Variants in HOMER3 observed in about 807,000 individuals in gnomAD.
HOMER3 encodes homer protein homolog 3.
In HOMER3, 34 loss-of-function variants were observed where a neutral mutation model predicts 45.5. The ratio of observed to expected loss-of-function variants is 0.75; its 90% CI spans 0.57 to 1.00. The LOEUF (loss-of-function observed/expected upper bound fraction) is 1.00. HOMER3 is among the 50% of genes least tolerant of loss of function. The pLI is 0.00. For synonymous variants in HOMER3, 223 were observed against 208.8 expected, an observed-to-expected ratio of 1.07 and a Z score of -0.58; for missense variants, 480 against 497.5, an observed-to-expected ratio of 0.96 and a Z score of 0.33.
intron 6 of HOMER3, among the ~76,000 whole-genome samples, 172 bp from the exon 7 acceptor site, chr19:18,932,304 G>C (rs1305669875): frequency 6.8e-6 from 1 of 146,692 alleles, no homozygotes; most frequent in Non-Finnish European, 1.5e-5. Context: ...CGGGGCAGGG[G>C]TGGAGTGGCA....
In HOMER3 at chr19:18,929,715, C is replaced by T; in HGVS notation, c.895-81G>A. On this transcript the variant is annotated intron_variant, in intron 9 of 9. Transcript: ENST00000392351. ...GAGGCATCCAGAGTCTGACCACCTT[C>T]ATGTCCCTCTTCTGCCCAGAGCCAT... 3 of 1,213,510 alleles carry T rather than the reference C, an allele frequency of 2.5e-6. No individual in the cohort carries two copies. In the South Asian group the frequency reaches 4.8e-5, roughly 19 times the overall value. The allele number at this position is 1,213,510 out of a possible 1,614,324, so 75.2% of individuals were successfully genotyped here. A position where few individuals can be genotyped will look rare whatever the true frequency, so the allele number is the denominator to read the frequency against.
At chr19:18,930,375 G>A (rs1161528833) in intron 9 of HOMER3, among the ~76,000 whole-genome samples, 4 of 145,958 alleles carry the variant, frequency 2.7e-5, no homozygotes, top group Non-Finnish European at 6.0e-5. Context: ...GTGAAACCCC[G>A]TCTCTACCAA....
chr19:18,938,540 A>C (rs1295191163), intron 3 of HOMER3, 56 bp from the exon 4 acceptor site: 13 of 1,581,526 alleles, frequency 8.2e-6, no homozygotes, highest in Non-Finnish European at 1.1e-5. Flanking sequence ...CAAACATGAA[A>C]CCCCCCAGGT....
At chr19:18,931,948 G>C in intron 7 of HOMER3, 28 bp downstream of exon 7, 2 of 1,500,110 alleles carry the variant, frequency 1.3e-6, no homozygotes, top group Non-Finnish European at 1.8e-6. Flanking sequence ...GCCAGGTGGG[G>C]GTCTCTCGGA....
intron 6 of HOMER3, among the ~76,000 whole-genome samples, chr19:18,932,703 A>C (rs1172457848): frequency 6.6e-6 from 1 of 151,468 alleles, no homozygotes; most frequent in Admixed American, 6.6e-5. Flanking sequence ...TAGCAGCGAG[A>C]AGAGACAGGG....
chr19:18,938,498 ACAAAGTT>A lies in HOMER3; in HGVS notation c.172-21_172-15del. 6.2e-7 allele frequency: 1 copy of A among 1,610,296 alleles called. No individual in the cohort carries two copies. The highest frequency in any genetic ancestry group is 8.5e-7 in the Non-Finnish European group (1 of 1,176,844). Reference sequence around the variant, plus strand: ...GTTGATGATGGCCTAGGGTCGGGGAACAAAGTTCAAGGTAGATGGGACAGATACTAAC... The same window carrying A: ...GTTGATGATGGCCTAGGGTCGGGGAACAAGGTAGATGGGACAGATACTAAC... On this transcript the variant is annotated splice_polypyrimidine_tract_variant and intron_variant, in intron 3 of 9. Coordinates refer to ENST00000392351, the MANE Select transcript of HOMER3 (RefSeq NM_004838.4).
At chr19:18,940,250 C>T (rs935445857) in intron 1 of HOMER3, 2 of 152,260 alleles carry the variant, frequency 1.3e-5, no homozygotes, top group South Asian at 2.1e-4. Flanking sequence ...ACACAGGGGT[C>T]CCCGGAACCC....
At chr19:18,932,253 T>C in intron 6 of HOMER3, 121 bp from the exon 7 acceptor site, 2 of 745,054 alleles carry the variant, frequency 2.7e-6, no homozygotes, top group Non-Finnish European at 3.4e-6. Flanking sequence ...GGGCGAAGGC[T>C]GGCGAGGGTG....
At chr19:18,940,403 A>G (rs889881976) in intron 1 of HOMER3, 9 of 152,272 alleles carry the variant, frequency 5.9e-5, no homozygotes, top group South Asian at 2.1e-4. Flanking sequence ...GGGATCCCCA[A>G]TCTGGCCGGT....
intron 1 of HOMER3, chr19:18,940,474 G>A (rs899633492): frequency 2.0e-5 from 3 of 152,268 alleles, no homozygotes; most frequent in African/African-American, 7.2e-5. Context: ...ATTAATTCAG[G>A]ATCCCATCCC....
intron 9 of HOMER3, among the ~76,000 whole-genome samples, chr19:18,930,157 G>A (rs2057015210): frequency 1.3e-5 from 2 of 151,502 alleles, no homozygotes; most frequent in Admixed American, 1.3e-4. Flanking sequence ...GGCTGAGGCA[G>A]GAGAATCGCT....
At chr19:18,932,885 A>AACCCCCCCCCCCCC in intron 6 of HOMER3, 39 bp downstream of exon 6, 4 of 687,526 alleles carry the variant, frequency 5.8e-6, no homozygotes, top group African/African-American at 2.0e-5. Context: ...CCCCACCCCT[A>AACCCCCCCCCCCCC]CCCCCGCCCC....
intron 6 of HOMER3, 34 bp downstream of exon 6, chr19:18,932,890 C>T: frequency 9.8e-7 from 1 of 1,025,154 alleles, no homozygotes; most frequent in Non-Finnish European, 1.3e-6. Context: ...CCCCTACCCC[C>T]GCCCCTGCCA....
At chr19:18,932,885 A>ACCCCCCCCCCCCCC in intron 6 of HOMER3, 39 bp downstream of exon 6, 3 of 687,520 alleles carry the variant, frequency 4.4e-6, no homozygotes, top group African/African-American at 2.0e-5. Context: ...CCCCACCCCT[A>ACCCCCCCCCCCCCC]CCCCCGCCCC....
At chr19:18,932,667 C>T (rs1170187533) in intron 6 of HOMER3, among the ~76,000 whole-genome samples, 1 of 151,864 alleles carries the variant, frequency 6.6e-6, no homozygotes, top group Non-Finnish European at 1.5e-5. Flanking sequence ...TATCCTAAGA[C>T]CAGAGAGGCA....
At chr19:18,931,171 C>G in intron 9 of HOMER3, 154 bp downstream of exon 9, 1 of 638,096 alleles carries the variant, frequency 1.6e-6, no homozygotes, top group Non-Finnish European at 2.8e-6. Flanking sequence ...GAAACTGTAC[C>G]AACAGCCACT....
intron 4 of HOMER3, among the ~76,000 whole-genome samples, chr19:18,936,561 G>T (rs1477894489): frequency 2.0e-5 from 3 of 151,682 alleles, no homozygotes; most frequent in Non-Finnish European, 4.4e-5. Context: ...AACTACTTGG[G>T]AAGCTGAGGC....
intron 4 of HOMER3, among the ~76,000 whole-genome samples, chr19:18,937,216 T>C (rs62138079): frequency 0.4 from 58,826 of 147,622 alleles, 13,528 homozygotes; most frequent in Middle Eastern, 0.57. Context: ...GAGGCTGAGG[T>C]GGGAGGATCC....
chr19:18,930,999 C>G (rs2057025557), intron 9 of HOMER3, among the ~76,000 whole-genome samples: 1 of 151,978 alleles, frequency 6.6e-6, no homozygotes, highest in Non-Finnish European at 1.5e-5. Context: ...CAGAGCGAGA[C>G]TCCATCTCAA....
Sources: allele counts gnomAD v4.1 joint callset (sites outside exome capture counted in the v4.1 genomes callset), GRCh38; gene constraint gnomAD v4.1.1; transcripts MANE v1.5; gene names NCBI Gene and HGNC (gene_info 2026-07-23, HGNC 2026-07-21).